BRCA2: variants seen among roughly 807,000 people sequenced by gnomAD.
BRCA2 encodes BRCA2 DNA repair associated, also known as breast cancer type 2 susceptibility protein.
BRCA2 carries 203 observed loss-of-function variants against 276.7 expected under a neutral mutation model. The observed-to-expected ratio is 0.73, with a 90% CI of 0.65 to 0.82. BRCA2 has a LOEUF of 0.82. Ranked by LOEUF, BRCA2 falls within the 40% of genes least tolerant of loss-of-function variation. The probability of loss-of-function intolerance (pLI) is 0.00; values close to 1 mark genes in which losing one functional copy is unlikely to be tolerated. For synonymous variants in BRCA2, 1,289 were observed against 1,338.4 expected (o/e 0.96, Z 0.81); for missense variants, 3,920 against 3,915.0 (o/e 1.00, Z -0.03).
chr13:32,386,044 A>G (rs1339081512), intron 24 of BRCA2: 2 of 193,602 alleles, frequency 1.0e-5, no homozygotes, highest in Admixed American at 9.6e-5. Flanking sequence ...ATGAAGCTCT[A>G]GAGTACTGTG....
At chr13:32,341,527 G>A (rs1039441568) in intron 11 of BRCA2, among the ~76,000 whole-genome samples, 1 of 152,172 alleles carries the variant, frequency 6.6e-6, no homozygotes, top group Non-Finnish European at 1.5e-5. Context: ...TAGAAAATTT[G>A]AAACTCTTAA....
intron 10 of BRCA2, among the ~76,000 whole-genome samples, chr13:32,335,237 C>G (rs751767881): frequency 1.3e-5 from 2 of 150,978 alleles, no homozygotes; most frequent in Non-Finnish European, 2.9e-5. Context: ...CCCAGCTACT[C>G]GGGACGCTAA....
chr13:32,337,291 T>C lies in BRCA2; in HGVS notation c.2936T>C (p.Ile979Thr), dbSNP rs876659200. ...TTAAAATCGGACATCTCCTTGAATA[T>C]AGATAAAATACCAGAAAAAAATAAT... Reference protein sequence around the residue: ...QDLKSDISLNIDKIPEKNNDY... With the variant: ...QDLKSDISLNTDKIPEKNNDY... Residue 979 changes from isoleucine to threonine, a missense_variant, in exon 11 of 27, where the codon ATA becomes ACA. Physicochemically the swap from Ile to Thr is moderately conservative, Grantham distance 89. Transcript: ENST00000380152. The C allele has an allele frequency of 6.2e-7, 1 of 1,612,524 alleles. No individual in the cohort carries two copies. The highest frequency in any genetic ancestry group is 1.3e-5 in the African/African-American group (1 of 74,890).
At chr13:32,349,207 ACT>A (rs2072630706) in intron 13 of BRCA2, among the ~76,000 whole-genome samples, 1 of 133,494 alleles carries the variant, frequency 7.5e-6, no homozygotes, top group East Asian at 2.1e-4. Context: ...ACAGAGTGAG[ACT>A]CTGTCTCAAA....
chr13:32,340,007 T>G lies in BRCA2; in HGVS notation c.5652T>G (p.Ile1884Met), dbSNP rs766067138. Residue 1884 changes from isoleucine to methionine, a missense_variant, in exon 11 of 27, where the codon ATT (isoleucine) becomes ATG (methionine). Transcript: ENST00000380152. ...IKENNENKSK[I>M]CQTKIMAGCY... is the part of the protein sequence containing the mutation. Reference sequence around the variant, plus strand: ...AAAACAACGAGAATAAATCAAAAATTTGCCAAACGAAAATTATGGCAGGTT... The same window carrying G: ...AAAACAACGAGAATAAATCAAAAATGTGCCAAACGAAAATTATGGCAGGTT... 1.2e-6 allele frequency: 2 copies of G among 1,612,730 alleles called. No homozygotes were observed. The highest frequency in any genetic ancestry group is 2.7e-5 in the African/African-American group (2 of 74,888).
intron 13 of BRCA2, among the ~76,000 whole-genome samples, chr13:32,354,647 T>C (rs2072674358): frequency 6.6e-6 from 1 of 152,134 alleles, no homozygotes; most frequent in Admixed American, 6.5e-5. Context: ...CTTGACAGAC[T>C]CTCTTCTATT....
chr13:32,354,837 TTATA>T lies in BRCA2; in HGVS notation c.7008-20_7008-17del, dbSNP rs276174887. 9.6e-6 allele frequency: 14 copies of T among 1,453,258 alleles called. No individual in the cohort carries two copies. The highest frequency in any genetic ancestry group is 1.4e-5 in the Non-Finnish European group (14 of 1,034,142). The allele number at this position is 1,453,258 out of a possible 1,614,324, so 90.0% of individuals were successfully genotyped here. On this transcript the variant is annotated intron_variant, in intron 13 of 26. Coordinates refer to ENST00000380152, the MANE Select transcript of BRCA2 (RefSeq NM_000059.4). ...TTTATATGTGTACTAGTCAATAAAC[TTATA>T]TATTTTCTCCCCATTGCAGCACAAC... is the stretch of plus-strand genomic sequence containing the variant.
Position 32,333,077 on chromosome 13 carries a change from T to C in BRCA2, c.1599T>C (p.Thr533=), listed in dbSNP as rs80359783. ...CTGATCCAAACTTTAAAAAAGAAAC[T>C]GAAGCCTCTGAAAGTGGACTGGAAA... ...HMTDPNFKKE[T]EASESGLEIH... Residue 533 remains threonine, a synonymous_variant, in exon 10 of 27, where the codon ACT becomes ACC. Coordinates refer to ENST00000380152, the MANE Select transcript of BRCA2 (RefSeq NM_000059.4). 2 of 1,611,712 alleles carry C rather than the reference T, an allele frequency of 1.2e-6. No individual in the cohort carries two copies. The highest frequency in any genetic ancestry group is 1.7e-6 in the Non-Finnish European group (2 of 1,179,516).
At position 32,336,584 on chromosome 13, in the gene BRCA2, T is replaced by C. The variant is rs1801499; in HGVS notation, c.2229T>C (p.His743=). ...VLAAACHPVQ[H]SKVEYSDTDF... is the part of the protein sequence containing the mutation. ...CTGCAGCATGTCACCCAGTACAACA[T>C]TCAAAAGTGGAATACAGTGATACTG... The change falls in exon 11 of 27, where the codon CAT becomes CAC. Residue 743 remains histidine (H), a synonymous_variant. Coordinates refer to ENST00000380152, the MANE Select transcript of BRCA2 (RefSeq NM_000059.4). 0.042 allele frequency: 67,892 copies of C among 1,613,968 alleles called. 2,195 individuals carry two copies. The highest frequency in any genetic ancestry group is 0.12 in the East Asian group (5,241 of 44,858).
chr13:32,372,518 T>G (rs1042350379), intron 20 of BRCA2, among the ~76,000 whole-genome samples: 3 of 152,092 alleles, frequency 2.0e-5, no homozygotes, highest in African/African-American at 7.2e-5. Context: ...AAACTGCCAC[T>G]TGTAAGCCAT....
At chr13:32,356,391 T>C (rs2072694442) in intron 14 of BRCA2, 37 bp from the exon 15 acceptor site, 1 of 1,600,838 alleles carries the variant, frequency 6.2e-7, no homozygotes, top group East Asian at 2.2e-5. Flanking sequence ...TTTTTAAATT[T>C]CAATTTTATT....
intron 8 of BRCA2, among the ~76,000 whole-genome samples, chr13:32,330,707 T>C (rs2072382976): frequency 6.6e-6 from 1 of 152,204 alleles, no homozygotes; most frequent in Non-Finnish European, 1.5e-5. Flanking sequence ...CACATCCTAG[T>C]GGTGCAAGAT....
intron 1 of BRCA2, 42 bp downstream of exon 1, chr13:32,315,709 G>T (rs2072249789): frequency 6.5e-6 from 1 of 152,954 alleles, no homozygotes; most frequent in Non-Finnish European, 1.5e-5. Flanking sequence ...CGCGTCTTCC[G>T]CAGTCCCAGT....
intron 1 of BRCA2, 48 bp from the exon 2 acceptor site, chr13:32,316,374 T>TA: frequency 8.5e-7 from 1 of 1,178,918 alleles, no homozygotes; most frequent in Non-Finnish European, 1.3e-6. Context: ...AGTCACATAA[T>TA]AAGGAATGCA....
At chr13:32,330,034 G>C (rs551086479) in intron 8 of BRCA2, among the ~76,000 whole-genome samples, 1 of 152,254 alleles carries the variant, frequency 6.6e-6, no homozygotes, top group East Asian at 1.9e-4. Context: ...GGCCTCTCCA[G>C]TAATTTTTAT....
chr13:32,342,109 T>C (rs886830405), intron 11 of BRCA2, among the ~76,000 whole-genome samples: 3 of 151,530 alleles, frequency 2.0e-5, no homozygotes, highest in South Asian at 2.1e-4. Flanking sequence ...CCATCTTTAC[T>C]AAAAATACAA....
In BRCA2 at chr13:32,375,562, T is replaced by G. The variant is rs959204245; in HGVS notation, c.8633-1108T>G. ...GCAGCTATTCTTTATAAGACATGTT[T>G]CTTTTTTTTTTTTTTGAGATGGAGT... is the stretch of plus-strand genomic sequence containing the variant. On this transcript the variant is annotated intron_variant, in intron 20 of 26. Coordinates refer to ENST00000380152, the MANE Select transcript of BRCA2 (RefSeq NM_000059.4). Among the ~76,000 whole-genome samples, 5 of 109,654 alleles carry G rather than the reference T, an allele frequency of 4.6e-5. No individual in the cohort carries two copies. The East Asian group carries it at 1.1e-3, about 24-fold the overall frequency. The allele number at this position is 109,654 out of a possible 152,430, so 71.9% of individuals were successfully genotyped here.
chr13:32,370,346 A>G, intron 18 of BRCA2, 56 bp from the exon 19 acceptor site: 5 of 1,498,792 alleles, frequency 3.3e-6, no homozygotes, highest in Non-Finnish European at 4.6e-6. Context: ...TGATATCTGT[A>G]ATAGAATTGA....
At chr13:32,371,250 G>A in intron 20 of BRCA2, 150 bp downstream of exon 20, 1 of 815,048 alleles carries the variant, frequency 1.2e-6, no homozygotes. Flanking sequence ...TTCTTTTTTG[G>A]TGTTAGACAA....
Sources: allele counts gnomAD v4.1 joint callset (sites outside exome capture counted in the v4.1 genomes callset), GRCh38; gene constraint gnomAD v4.1.1; transcripts MANE v1.5; gene names NCBI Gene and HGNC (gene_info 2026-07-23, HGNC 2026-07-21).